Variants in LIX1 observed in about 807,000 individuals in gnomAD.
LIX1 encodes protein limb expression 1 homolog.
A neutral mutation model predicts 33.4 loss-of-function variants in LIX1; 24 were observed. The ratio of observed to expected loss-of-function variants is 0.72; its 90% CI spans 0.52 to 1.01. The LOEUF (loss-of-function observed/expected upper bound fraction) is 1.01, where lower values mean the gene tolerates loss of function less well. Ranked by LOEUF, LIX1 falls within the 50% of genes least tolerant of loss-of-function variation. The probability of loss-of-function intolerance (pLI) is 0.00; values close to 1 mark genes in which losing one functional copy is unlikely to be tolerated. For missense variants in LIX1, 311 were observed against 339.2 expected, an observed-to-expected ratio of 0.92 and a Z score of 0.65; for synonymous variants, 124 against 124.0, an observed-to-expected ratio of 1.00 and a Z score of 0.00.
chr5:97,142,114 G>A (rs1033767890), intron 1 of LIX1, among the ~76,000 whole-genome samples: 1 of 152,188 alleles, frequency 6.6e-6, no homozygotes, highest in African/African-American at 2.4e-5. Flanking sequence ...GTGTTGTGGA[G>A]TATTAAACAG....
chr5:97,141,631 A>G (rs1160184852), intron 1 of LIX1, among the ~76,000 whole-genome samples: 7 of 152,214 alleles, frequency 4.6e-5, no homozygotes, highest in African/African-American at 1.4e-4. Context: ...TAGATTCACA[A>G]AGAGGAAAGC....
chr5:97,122,156 A>G (rs961024616), intron 2 of LIX1, among the ~76,000 whole-genome samples: 7 of 152,186 alleles, frequency 4.6e-5, no homozygotes, highest in African/African-American at 1.4e-4. Context: ...ACTGCTGACT[A>G]CTGTTCGGAG....
chr5:97,103,436 A>G (rs1361280986), intron 4 of LIX1, among the ~76,000 whole-genome samples: 1 of 152,178 alleles, frequency 6.6e-6, no homozygotes, highest in Non-Finnish European at 1.5e-5. Context: ...TAATCCTCAC[A>G]ATAGCACTGT....
At chr5:97,130,495 T>C (rs542063802) in intron 1 of LIX1, among the ~76,000 whole-genome samples, 1 of 152,282 alleles carries the variant, frequency 6.6e-6, no homozygotes, top group East Asian at 1.9e-4. Flanking sequence ...ACTCCTAAGA[T>C]GGAGCTCTGG....
intron 1 of LIX1, among the ~76,000 whole-genome samples, chr5:97,128,386 C>A (rs1279628373): frequency 6.6e-6 from 1 of 152,120 alleles, no homozygotes; most frequent in Admixed American, 6.6e-5. Context: ...TCCTTGGTGT[C>A]TTTTGTGGAT....
chr5:97,099,554 T>C (rs1746574865), intron 4 of LIX1, among the ~76,000 whole-genome samples: 1 of 152,196 alleles, frequency 6.6e-6, no homozygotes, highest in African/African-American at 2.4e-5. Flanking sequence ...AAAATAAATA[T>C]TGGCCAGGTG....
At chr5:97,100,411 G>A (rs761870189) in intron 4 of LIX1, among the ~76,000 whole-genome samples, 12 of 151,920 alleles carry the variant, frequency 7.9e-5, no homozygotes, top group Non-Finnish European at 1.2e-4. Context: ...CATTCCCTAG[G>A]GAAGATGACC....
Position 97,136,941 on chromosome 5 carries a change from G to A in LIX1, c.82+5554C>T, listed in dbSNP as rs577362597. On this transcript the variant is annotated intron_variant, in intron 1 of 5. Coordinates refer to ENST00000274382, the MANE Select transcript of LIX1 (RefSeq NM_153234.5). The stretch of plus-strand genomic sequence containing the variant: ...GGCATTTGAACATGGAGGAAAAGAA[G>A]TAAGAGTGTTTGGGGTTAAAACATC... Among the ~76,000 whole-genome samples, 4 of 152,200 alleles carry A rather than the reference G, an allele frequency of 2.6e-5. 1 individual carries two copies. In the South Asian group the frequency reaches 8.3e-4, roughly 32 times the overall value.
At position 97,140,804 on chromosome 5, in the gene LIX1, G is replaced by A. The variant is rs143304073; in HGVS notation, c.82+1691C>T. On this transcript the variant is annotated intron_variant, in intron 1 of 5. Transcript: ENST00000274382. ...AGAGAATCGGCAGTTTAATATTCAC[G>A]TCTATTAAGCCATGCAAGCAGTTGC... 3.8e-3 allele frequency among the ~76,000 whole-genome samples: 586 copies of A among 152,244 alleles called. 13 individuals carry two copies. The highest frequency in any genetic ancestry group is 0.03 in the Admixed American group (452 of 15,292).
Position 97,096,815 on chromosome 5 carries a change from G to A in LIX1, c.556C>T (p.Arg186Ter), listed in dbSNP as rs375842574. 6.8e-6 allele frequency: 11 copies of A among 1,612,090 alleles called. No individual in the cohort carries two copies. Among genetic ancestry groups the A allele is most frequent in the African/African-American group, 2.7e-5 (2 of 74,986 alleles). ...ACTTGATTAGAAAATCTTACCTGTCGGGAACACTTTGTTTCACGAAGGGCT... is the reference window on the plus strand; with the variant it reads ...ACTTGATTAGAAAATCTTACCTGTCAGGAACACTTTGTTTCACGAAGGGCT... ...LKALRETKCS[R>*]QEVISYYSQY... is the part of the protein sequence containing the mutation. The change falls in exon 5 of 6, where the codon CGA becomes TGA. Residue 186 changes from arginine to a stop codon, truncating the protein, a stop_gained. Transcript: ENST00000274382. LOFTEE classifies it high-confidence loss of function.
intron 2 of LIX1, among the ~76,000 whole-genome samples, chr5:97,113,624 A>G (rs924829652): frequency 1.4e-4 from 22 of 152,238 alleles, no homozygotes; most frequent in African/African-American, 4.8e-4. Context: ...AGATGTGAAC[A>G]AAACAAGATT....
At chr5:97,122,938 T>C (rs1440669493) in intron 2 of LIX1, among the ~76,000 whole-genome samples, 1 of 152,246 alleles carries the variant, frequency 6.6e-6, no homozygotes, top group Non-Finnish European at 1.5e-5. Context: ...GGAAGGTTAA[T>C]AAGGATTTCA....
chr5:97,126,580 T>C (rs570298198), intron 1 of LIX1, among the ~76,000 whole-genome samples: 13 of 152,268 alleles, frequency 8.5e-5, no homozygotes, highest in African/African-American at 2.9e-4. Flanking sequence ...AAGTTGAGAA[T>C]TGGTCATTAC....
chr5:97,128,869 T>G (rs1747991956), intron 1 of LIX1, among the ~76,000 whole-genome samples: 1 of 152,172 alleles, frequency 6.6e-6, no homozygotes, highest in Non-Finnish European at 1.5e-5. Flanking sequence ...TGATCAAGCA[T>G]ACCACAATAC....
At chr5:97,138,984 C>T (rs1748227065) in intron 1 of LIX1, among the ~76,000 whole-genome samples, 1 of 152,096 alleles carries the variant, frequency 6.6e-6, no homozygotes, top group Non-Finnish European at 1.5e-5. Context: ...CACTTCTGGT[C>T]CCAAGCATTT....
chr5:97,093,594 C>T lies in LIX1; in HGVS notation c.*1154G>A, dbSNP rs963578632. The T allele has an allele frequency of 8.9e-6, 1 of 112,338 alleles. No homozygotes were observed. Among genetic ancestry groups the T allele is most frequent in the Non-Finnish European group, 1.7e-5 (1 of 58,104 alleles). 7.0% of individuals were successfully genotyped at this position (112,338 alleles called of 1,614,324 possible). A position where few individuals can be genotyped will look rare whatever the true frequency, so the allele number is the denominator to read the frequency against. On this transcript the variant is annotated 3_prime_UTR_variant, in exon 6 of 6. Transcript: ENST00000274382. ...CCCAGGAGTTCAAGACCAGCCTGGG[C>T]AACATGATGAAATCCCGTCTCTACT...
intron 5 of LIX1, among the ~76,000 whole-genome samples, chr5:97,095,590 C>CAGAAGGG (rs1469891168): frequency 6.6e-6 from 1 of 152,164 alleles, no homozygotes; most frequent in Non-Finnish European, 1.5e-5. Context: ...ACAGTAAATA[C>CAGAAGGG]AGAAGGGAGT....
chr5:97,134,399 C>G (rs1487858804), intron 1 of LIX1, among the ~76,000 whole-genome samples: 10 of 152,208 alleles, frequency 6.6e-5, no homozygotes, highest in Admixed American at 5.9e-4. Context: ...GGATTATAGG[C>G]GTGAGCCACC....
intron 1 of LIX1, among the ~76,000 whole-genome samples, chr5:97,126,447 C>A (rs1747922877): frequency 6.6e-6 from 1 of 151,946 alleles, no homozygotes; most frequent in East Asian, 1.9e-4. Flanking sequence ...AACTGGTTGC[C>A]ATGTATATTT....
Sources: allele counts gnomAD v4.1 joint callset (sites outside exome capture counted in the v4.1 genomes callset), GRCh38; gene constraint gnomAD v4.1.1; transcripts MANE v1.5; gene names NCBI Gene and HGNC (gene_info 2026-07-23, HGNC 2026-07-21).